NDFIP1: variants seen among roughly 807,000 people sequenced by gnomAD.
NDFIP1 encodes Nedd4 family interacting protein 1.
Under a neutral mutation model 28.8 loss-of-function variants are expected in NDFIP1, and 7 were observed. The observed-to-expected ratio is 0.24, with a 90% CI of 0.14 to 0.46. NDFIP1 has a LOEUF of 0.46. Ranked by LOEUF, NDFIP1 falls within the 20% of genes least tolerant of loss-of-function variation. The pLI, the probability that NDFIP1 is intolerant of heterozygous loss-of-function variation, is 0.99. For synonymous variants in NDFIP1, 92 were observed against 101.0 expected, an observed-to-expected ratio of 0.91 and a Z score of 0.53; for missense variants, 194 against 269.1, an observed-to-expected ratio of 0.72 and a Z score of 1.95.
intron 1 of NDFIP1, among the ~76,000 whole-genome samples, chr5:142,114,238 G>GT (rs1757042846): frequency 2.0e-5 from 3 of 151,800 alleles, no homozygotes; most frequent in African/African-American, 4.8e-5. Context: ...TTTTGTTTTT[G>GT]TTTTTTTGAT....
intron 1 of NDFIP1, among the ~76,000 whole-genome samples, chr5:142,109,575 G>T (rs1756990458): frequency 6.6e-6 from 1 of 152,166 alleles, no homozygotes; most frequent in Admixed American, 6.6e-5. Context: ...CAAGAGACAA[G>T]CCCGCAGTTT....
chr5:142,143,491 A>C (rs1460731717), intron 6 of NDFIP1: 1 of 152,158 alleles, frequency 6.6e-6, no homozygotes, highest in Non-Finnish European at 1.5e-5. Flanking sequence ...TCAACTGTCC[A>C]AGTACCATTT....
intron 7 of NDFIP1, among the ~76,000 whole-genome samples, chr5:142,146,586 T>C (rs925782236): frequency 6.6e-6 from 1 of 152,194 alleles, no homozygotes; most frequent in Non-Finnish European, 1.5e-5. Flanking sequence ...ACCCAAGATA[T>C]ACTGAGGGGA....
At chr5:142,132,897 G>A (rs1030919770) in intron 3 of NDFIP1, among the ~76,000 whole-genome samples, 1 of 152,198 alleles carries the variant, frequency 6.6e-6, no homozygotes, top group Non-Finnish European at 1.5e-5. Flanking sequence ...GGGCACTCTT[G>A]GTTCTTGATG....
At chr5:142,148,299 C>T (rs1313448703) in intron 7 of NDFIP1, among the ~76,000 whole-genome samples, 4 of 152,106 alleles carry the variant, frequency 2.6e-5, no homozygotes, top group African/African-American at 9.7e-5. Context: ...CATTAAAGCT[C>T]ATGTACTACT....
At chr5:142,133,897 T>G (rs1382516510) in intron 3 of NDFIP1, 1 of 152,204 alleles carries the variant, frequency 6.6e-6, no homozygotes, top group Non-Finnish European at 1.5e-5. Context: ...GAACTGAAAC[T>G]TTTTACTGGG....
chr5:142,136,046 T>G (rs1051976179), intron 4 of NDFIP1, among the ~76,000 whole-genome samples: 1 of 152,236 alleles, frequency 6.6e-6, no homozygotes, highest in African/African-American at 2.4e-5. Flanking sequence ...AAAGCAGTTA[T>G]GAGGATGCTG....
In NDFIP1 at chr5:142,109,035, C is replaced by A. The variant is rs1490867039; in HGVS notation, c.61C>A (p.Gln21Lys). The A allele has an allele frequency of 7.0e-7, 1 of 1,428,784 alleles. No homozygotes were observed. Among genetic ancestry groups the A allele is most frequent in the Non-Finnish European group, 9.2e-7 (1 of 1,091,982 alleles). The allele number at this position is 1,428,784 out of a possible 1,614,324, so 88.5% of individuals were successfully genotyped here. Residue 21 changes from glutamine to lysine, a missense_variant and splice_region_variant, in exon 1 of 8, where the codon CAG becomes AAG. Transcript: ENST00000253814. ...VEPACGSRYQQLQNEEESGEP... is the reference protein window; with the variant it reads ...VEPACGSRYQKLQNEEESGEP... ...GCCGGCCTGCGGCAGCCGGTACCAG[C>A]AGGTAAGCGGCGCCCGACTCCAGCC...
intron 1 of NDFIP1, among the ~76,000 whole-genome samples, chr5:142,111,140 A>G (rs1455718116): frequency 6.6e-6 from 1 of 151,818 alleles, no homozygotes; most frequent in Non-Finnish European, 1.5e-5. Flanking sequence ...AGCCCCGATC[A>G]TACTTGCACA....
intron 6 of NDFIP1, 45 bp from the exon 7 acceptor site, chr5:142,144,526 C>G: frequency 1.4e-6 from 2 of 1,425,834 alleles, no homozygotes; most frequent in Non-Finnish European, 2.0e-6. Flanking sequence ...GGGGACTTAA[C>G]ATGGAAATTA....
intron 6 of NDFIP1, among the ~76,000 whole-genome samples, chr5:142,142,108 G>T (rs138096933): frequency 1.1e-4 from 16 of 152,222 alleles, no homozygotes; most frequent in Non-Finnish European, 2.1e-4. Context: ...CTGCACTTCA[G>T]CTTGGGTGAC....
intron 6 of NDFIP1, 76 bp from the exon 7 acceptor site, chr5:142,144,495 C>A: frequency 9.7e-7 from 1 of 1,029,244 alleles, no homozygotes; most frequent in Non-Finnish European, 1.5e-6. Context: ...GTATCGCTAT[C>A]AGGAGAGGGA....
At chr5:142,134,078 G>A (rs1310095855) in intron 3 of NDFIP1, 1 of 152,228 alleles carries the variant, frequency 6.6e-6, no homozygotes, top group Non-Finnish European at 1.5e-5. Flanking sequence ...GAGATAGAAA[G>A]TCCTGACTAC....
chr5:142,135,671 C>T (rs1465654702), intron 3 of NDFIP1, 59 bp from the exon 4 acceptor site: 41 of 1,469,694 alleles, frequency 2.8e-5, no homozygotes, highest in Non-Finnish European at 3.7e-5. Flanking sequence ...AAATTTAACC[C>T]TTCATTTTTC....
intron 1 of NDFIP1, among the ~76,000 whole-genome samples, chr5:142,120,870 G>T (rs1476450416): frequency 3.9e-5 from 6 of 152,226 alleles, no homozygotes; most frequent in African/African-American, 1.4e-4. Context: ...CTTTGTTCTT[G>T]AAGGAAGAGG....
intron 6 of NDFIP1, chr5:142,142,940 A>ATATATAT (rs1554092158): frequency 7.4e-4 from 28 of 38,078 alleles, no homozygotes; most frequent in African/African-American, 2.9e-3. Flanking sequence ...AAAAAAAAAA[A>ATATATAT]ATATATATAT....
At chr5:142,130,350 C>T (rs924188664) in intron 1 of NDFIP1, among the ~76,000 whole-genome samples, 2 of 152,000 alleles carry the variant, frequency 1.3e-5, no homozygotes, top group Non-Finnish European at 2.9e-5. Context: ...AGAAAAGTTG[C>T]TGAGATAGGG....
Position 142,137,792 on chromosome 5 carries a change from T to A in NDFIP1, c.429T>A (p.Ala143=). The change falls in exon 5 of 8, where the codon GCT becomes GCA. Residue 143 remains alanine (A), a synonymous_variant. Coordinates refer to ENST00000253814, the MANE Select transcript of NDFIP1 (RefSeq NM_030571.4). ...TGTCTTTTTGCCTGACCACTTCAGCTGCAGGAAGGTATGGGGCCATTTCAG... is the reference window on the plus strand; with the variant it reads ...TGTCTTTTTGCCTGACCACTTCAGCAGCAGGAAGGTATGGGGCCATTTCAG... ...FFLSFCLTTS[A]AGRYGAISGF... The A allele has an allele frequency of 6.2e-7, 1 of 1,614,214 alleles. No individual in the cohort carries two copies. The highest frequency in any genetic ancestry group is 8.5e-7 in the Non-Finnish European group (1 of 1,180,024).
intron 6 of NDFIP1, among the ~76,000 whole-genome samples, chr5:142,140,917 G>A (rs1468519025): frequency 6.6e-6 from 1 of 152,052 alleles, no homozygotes; most frequent in African/African-American, 2.4e-5. Flanking sequence ...TAGTCTGTCA[G>A]TTTTTTTCCC....
Sources: gnomAD v4.1 joint callset for allele counts (sites outside exome capture counted in the v4.1 genomes callset) on GRCh38, gnomAD v4.1.1 for gene constraint, MANE v1.5 for transcripts, NCBI Gene and HGNC (gene_info 2026-07-23, HGNC 2026-07-21) for gene names.